H3-3B: variants seen among roughly 807,000 people sequenced by gnomAD.
The protein encoded by H3-3B is histone H3.3.
In H3-3B, 2 loss-of-function variants were observed where a neutral mutation model predicts 13.1. That is an observed-to-expected ratio of 0.15 (90% CI 0.06 to 0.48). H3-3B has a LOEUF of 0.48. Ranked by LOEUF, H3-3B falls within the 20% of genes least tolerant of loss-of-function variation. The probability of loss-of-function intolerance (pLI) is 0.97; values close to 1 mark genes in which losing one functional copy is unlikely to be tolerated. For synonymous variants in H3-3B, 133 were observed against 75.8 expected, an observed-to-expected ratio of 1.76 and a Z score of -3.92; for missense variants, 39 against 186.0, an observed-to-expected ratio of 0.21 and a Z score of 4.60.
Position 75,777,271 on chromosome 17 carries a change from C to G in H3-3B, c.*1324G>C, listed in dbSNP as rs1459424363. 1 of 152,180 alleles carries G rather than the reference C, an allele frequency of 6.6e-6. No individual in the cohort carries two copies. The highest frequency in any genetic ancestry group is 1.5e-5 in the Non-Finnish European group (1 of 68,028). The allele number at this position is 152,180 out of a possible 1,614,324, so 9.4% of individuals were successfully genotyped here. On this transcript the variant is annotated 3_prime_UTR_variant, in exon 4 of 4. Coordinates refer to ENST00000254810, the MANE Select transcript of H3-3B (RefSeq NM_005324.5). ...CTTAGCCCACACTGCAAATACAGCA[C>G]TATTATGGCATCTTAATCAAGCAGA...
Position 75,778,292 on chromosome 17 carries a change from T to TG in H3-3B, c.*302_*303insC. 3.0e-6 allele frequency: 1 copy of TG among 336,024 alleles called. No homozygotes were observed. The highest frequency in any genetic ancestry group is 5.6e-6 in the Non-Finnish European group (1 of 180,062). The allele number at this position is 336,024 out of a possible 1,614,324, so 20.8% of individuals were successfully genotyped here. On this transcript the variant is annotated 3_prime_UTR_variant, in exon 4 of 4. Transcript: ENST00000254810. The stretch of plus-strand genomic sequence containing the variant: ...TTATTGCAAAAGGACCCTGTACACA[T>TG]TTATCAACTCTAGTACCTTAATAGC...
At position 75,776,990 on chromosome 17, in the gene H3-3B, AAACT is replaced by A. The variant is rs1452615057; in HGVS notation, c.*1601_*1604del. 6.6e-6 allele frequency: 1 copy of A among 152,260 alleles called. No homozygotes were observed. The highest frequency in any genetic ancestry group is 1.5e-5 in the Non-Finnish European group (1 of 68,054). 9.4% of individuals were successfully genotyped at this position (152,260 alleles called of 1,614,324 possible). ...CCTTCCCTCCAAAATATCACATTTG[AAACT>A]AACCCAAACTTTTGAGAAAGCAATT... On this transcript the variant is annotated 3_prime_UTR_variant, in exon 4 of 4. Transcript: ENST00000254810.
Position 75,778,422 on chromosome 17 carries a change from T to G in H3-3B, c.*173A>C. 1 of 850,982 alleles carries G rather than the reference T, an allele frequency of 1.2e-6. No individual in the cohort carries two copies. The highest frequency in any genetic ancestry group is 1.8e-6 in the Non-Finnish European group (1 of 554,000). 52.7% of individuals were successfully genotyped at this position (850,982 alleles called of 1,614,324 possible). A position where few individuals can be genotyped will look rare whatever the true frequency, so the allele number is the denominator to read the frequency against. ...ACTTGTCACTCCTGAGCAACAGTGCTCACATCACTGAGGTCTGTGAACAGT... is the reference window on the plus strand; with the variant it reads ...ACTTGTCACTCCTGAGCAACAGTGCGCACATCACTGAGGTCTGTGAACAGT... On this transcript the variant is annotated 3_prime_UTR_variant, in exon 4 of 4. Transcript: ENST00000254810.
rs115820619 is a variant in H3-3B, at chr17:75,776,910, A to G, written c.*1685T>C. The G allele has an allele frequency of 6.6e-6, 1 of 152,220 alleles. No homozygotes were observed. The highest frequency in any genetic ancestry group is 1.5e-5 in the Non-Finnish European group (1 of 68,038). The allele number at this position is 152,220 out of a possible 1,614,324, so 9.4% of individuals were successfully genotyped here. On this transcript the variant is annotated 3_prime_UTR_variant, in exon 4 of 4. Transcript: ENST00000254810. ...GAACTTTCTAGAAAAGCGGGTCATT[A>G]TATTGCATCCTTTCATAGGAGCTCA...
rs1045472698 is a variant in H3-3B at position 75,779,374 on chromosome 17, G to A, written c.-10-190C>T. Reference sequence around the variant, plus strand: ...CTAATGACTCAGGCTGCGAGGAGCGGCAGCCTCCCCCGGGAGGGGGAGCGC... The same window carrying A: ...CTAATGACTCAGGCTGCGAGGAGCGACAGCCTCCCCCGGGAGGGGGAGCGC... On this transcript the variant is annotated intron_variant, in intron 1 of 3. Transcript: ENST00000254810. The A allele has an allele frequency of 1.0e-5, 5 of 496,098 alleles. No individual in the cohort carries two copies. The Admixed American group carries it at 1.3e-4, about 13-fold the overall frequency. The allele number at this position is 496,098 out of a possible 1,614,324, so 30.7% of individuals were successfully genotyped here. A position where few individuals can be genotyped will look rare whatever the true frequency, so the allele number is the denominator to read the frequency against.
chr17:75,779,427 G>A (rs1310657120), intron 1 of H3-3B: 16 of 338,362 alleles, frequency 4.7e-5, no homozygotes, highest in Non-Finnish European at 7.4e-5. Context: ...CTTCCTCGAC[G>A]GGCGGAGGCC....
At position 75,779,045 on chromosome 17, in the gene H3-3B, A is replaced by G; in HGVS notation, c.128+2T>C. The G allele has an allele frequency of 6.2e-7, 1 of 1,608,422 alleles. No homozygotes were observed. The highest frequency in any genetic ancestry group is 1.1e-5 in the South Asian group (1 of 90,820). On this transcript the variant is annotated splice_donor_variant, in intron 2 of 3. Transcript: ENST00000254810. LOFTEE classifies it high-confidence loss of function. Reference sequence around the variant, plus strand: ...GGGCCATTGTTCCCCCGCCCGACCTACCTGTAGCGATGAGGCTTCTTCACC... The same window carrying G: ...GGGCCATTGTTCCCCCGCCCGACCTGCCTGTAGCGATGAGGCTTCTTCACC...
rs1203027782 is a variant in H3-3B, at chr17:75,777,830, G to C, written c.*765C>G. 6 of 152,556 alleles carry C rather than the reference G, an allele frequency of 3.9e-5. No individual in the cohort carries two copies. Among genetic ancestry groups the C allele is most frequent in the Admixed American group, 3.9e-4 (6 of 15,276 alleles). The allele number at this position is 152,556 out of a possible 1,614,324, so 9.5% of individuals were successfully genotyped here. A position where few individuals can be genotyped will look rare whatever the true frequency, so the allele number is the denominator to read the frequency against. ...TGGTGTGAATAACTCGTTTTTTCTAGAGCCCTTATAAATAAAATCCCCCAG... is the reference window on the plus strand; with the variant it reads ...TGGTGTGAATAACTCGTTTTTTCTACAGCCCTTATAAATAAAATCCCCCAG... On this transcript the variant is annotated 3_prime_UTR_variant, in exon 4 of 4. Transcript: ENST00000254810.
Position 75,776,913 on chromosome 17 carries a change from T to G in H3-3B, c.*1682A>C, listed in dbSNP as rs2061640252. 1 of 152,222 alleles carries G rather than the reference T, an allele frequency of 6.6e-6. No individual in the cohort carries two copies. The highest frequency in any genetic ancestry group is 1.5e-5 in the Non-Finnish European group (1 of 68,042). The allele number at this position is 152,222 out of a possible 1,614,324, so 9.4% of individuals were successfully genotyped here. On this transcript the variant is annotated 3_prime_UTR_variant, in exon 4 of 4. Transcript: ENST00000254810. ...CTTTCTAGAAAAGCGGGTCATTATA[T>G]TGCATCCTTTCATAGGAGCTCATTA...
Position 75,777,792 on chromosome 17 carries a change from G to GT in H3-3B, c.*802dup, listed in dbSNP as rs1287736446. On this transcript the variant is annotated 3_prime_UTR_variant, in exon 4 of 4. Transcript: ENST00000254810. ...CTGCACTAACTAGTTCAGAATGTTA[G>GT]TTAAGATGATGCTGGTGTGAATAAC... is the stretch of plus-strand genomic sequence containing the variant. The GT allele has an allele frequency of 6.6e-6, 1 of 152,590 alleles. No homozygotes were observed. The highest frequency in any genetic ancestry group is 2.4e-5 in the African/African-American group (1 of 41,462). 9.5% of individuals were successfully genotyped at this position (152,590 alleles called of 1,614,324 possible).
At chr17:75,779,241 G>A (rs534596437) in intron 1 of H3-3B, 57 bp from the exon 2 acceptor site, 3 of 1,415,832 alleles carry the variant, frequency 2.1e-6, no homozygotes, top group East Asian at 2.7e-5. Context: ...GCCCCCCAGG[G>A]CTGCGGGGGG....
rs563713434 is a variant in H3-3B at position 75,777,941 on chromosome 17, C to T, written c.*654G>A. 1.0e-4 allele frequency: 16 copies of T among 152,720 alleles called. No individual in the cohort carries two copies. Among genetic ancestry groups the T allele is most frequent in the African/African-American group, 3.4e-4 (14 of 41,542 alleles). 9.5% of individuals were successfully genotyped at this position (152,720 alleles called of 1,614,324 possible). A position where few individuals can be genotyped will look rare whatever the true frequency, so the allele number is the denominator to read the frequency against. On this transcript the variant is annotated 3_prime_UTR_variant, in exon 4 of 4. Coordinates refer to ENST00000254810, the MANE Select transcript of H3-3B (RefSeq NM_005324.5). ...TATAAATGCGCATAGCATTTTACTA[C>T]TATGAGAACAAGTGCAGTCAGAAGA...
intron 1 of H3-3B, 165 bp from the exon 2 acceptor site, chr17:75,779,349 C>A: frequency 1.5e-6 from 1 of 656,772 alleles, no homozygotes; most frequent in Admixed American, 4.4e-5. Context: ...TCCCCCTCCC[C>A]TAATGACTCA....
In H3-3B at chr17:75,777,197, A is replaced by G. The variant is rs1479139658; in HGVS notation, c.*1398T>C. On this transcript the variant is annotated 3_prime_UTR_variant, in exon 4 of 4. Transcript: ENST00000254810. ...GAGTTCTACACCTGTGGGCTTCTAC[A>G]CTACGGAACGGGAGTGGGGGGGCTG... is the stretch of plus-strand genomic sequence containing the variant. 1 of 151,874 alleles carries G rather than the reference A, an allele frequency of 6.6e-6. No homozygotes were observed. The highest frequency in any genetic ancestry group is 1.5e-5 in the Non-Finnish European group (1 of 68,042). The allele number at this position is 151,874 out of a possible 1,614,324, so 9.4% of individuals were successfully genotyped here.
At position 75,778,532 on chromosome 17, in the gene H3-3B, T is replaced by C. The variant is rs2061650284; in HGVS notation, c.*63A>G. 6.4e-7 allele frequency: 1 copy of C among 1,556,928 alleles called. No homozygotes were observed. Among genetic ancestry groups the C allele is most frequent in the Non-Finnish European group, 8.7e-7 (1 of 1,151,422 alleles). ...TATAAACAATTTCTTACAAAAAAAG[T>C]CACAAATTAAACCAAAGTATTTTAC... On this transcript the variant is annotated 3_prime_UTR_variant, in exon 4 of 4. Transcript: ENST00000254810.
chr17:75,779,094 C>T lies in H3-3B; in HGVS notation c.81G>A (p.Arg27=), dbSNP rs144205696. The T allele has an allele frequency of 6.8e-6, 11 of 1,607,518 alleles. No homozygotes were observed. Among genetic ancestry groups the T allele is most frequent in the African/African-American group, 6.7e-5 (5 of 74,358 alleles). ...PRKQLATKAA[R]KSAPSTGGVK... Reference sequence around the variant, plus strand: ...CCCCGCCGGTAGAGGGAGCGCTTTTCCTGGCGGCTTTCGTGGCCAGCTGTT... The same window carrying T: ...CCCCGCCGGTAGAGGGAGCGCTTTTTCTGGCGGCTTTCGTGGCCAGCTGTT... The change falls in exon 2 of 4, where the codon AGG becomes AGA. Residue 27 remains arginine, a synonymous_variant. Coordinates refer to ENST00000254810, the MANE Select transcript of H3-3B (RefSeq NM_005324.5).
rs1354676764 is a variant in H3-3B at position 75,776,445 on chromosome 17, AATTTT to A, written c.*2145_*2149del. 2 of 152,194 alleles carry A rather than the reference AATTTT, an allele frequency of 1.3e-5. No individual in the cohort carries two copies. The highest frequency in any genetic ancestry group is 4.8e-5 in the African/African-American group (2 of 41,446). The allele number at this position is 152,194 out of a possible 1,614,324, so 9.4% of individuals were successfully genotyped here. On this transcript the variant is annotated 3_prime_UTR_variant, in exon 4 of 4. Transcript: ENST00000254810. Reference sequence around the variant, plus strand: ...GAAATGAGAAAATCTTAACTTCAAAAATTTTATTTTAGTCTCATCCATCAAGGGCA... The same window carrying A: ...GAAATGAGAAAATCTTAACTTCAAAAATTTTAGTCTCATCCATCAAGGGCA...
In H3-3B at chr17:75,778,799, CTT is replaced by C. The variant is rs745495299; in HGVS notation, c.282+9_282+10del. 6.8e-6 allele frequency: 11 copies of C among 1,614,054 alleles called. No individual in the cohort carries two copies. The highest frequency in any genetic ancestry group is 9.3e-6 in the Non-Finnish European group (11 of 1,180,018). On this transcript the variant is annotated intron_variant, in intron 3 of 3. Transcript: ENST00000254810. ...GCCCAGCCCTCCCCCGGCTCCAGGCCTTTGTCTTACCTGCAGCGCACCGATGG... is the reference window on the plus strand; with the variant it reads ...GCCCAGCCCTCCCCCGGCTCCAGGCCTGTCTTACCTGCAGCGCACCGATGG...
In H3-3B at chr17:75,777,835, C is replaced by T. The variant is rs2061646243; in HGVS notation, c.*760G>A. Reference sequence around the variant, plus strand: ...TGAATAACTCGTTTTTTCTAGAGCCCTTATAAATAAAATCCCCCAGTTAGT... The same window carrying T: ...TGAATAACTCGTTTTTTCTAGAGCCTTTATAAATAAAATCCCCCAGTTAGT... On this transcript the variant is annotated 3_prime_UTR_variant, in exon 4 of 4. Transcript: ENST00000254810. 6.6e-6 allele frequency: 1 copy of T among 152,522 alleles called. No individual in the cohort carries two copies. The highest frequency in any genetic ancestry group is 2.4e-5 in the African/African-American group (1 of 41,430). The allele number at this position is 152,522 out of a possible 1,614,324, so 9.4% of individuals were successfully genotyped here. A position where few individuals can be genotyped will look rare whatever the true frequency, so the allele number is the denominator to read the frequency against.
Sources: gnomAD v4.1 joint callset for allele counts on GRCh38, gnomAD v4.1.1 for gene constraint, MANE v1.5 for transcripts, NCBI Gene and HGNC (gene_info 2026-07-23, HGNC 2026-07-21) for gene names.